The following PDE4B variants were observed in gnomAD, a reference collection of about 807,000 sequenced individuals.
PDE4B encodes 3',5'-cyclic-AMP phosphodiesterase 4B.
In PDE4B, 20 loss-of-function variants were observed where a neutral mutation model predicts 82.2. The observed-to-expected ratio is 0.24, with a 90% CI of 0.17 to 0.35. The LOEUF (loss-of-function observed/expected upper bound fraction) is 0.35, where lower values mean the gene tolerates loss of function less well. PDE4B is among the 10% of genes least tolerant of loss of function. The pLI, the probability that PDE4B is intolerant of heterozygous loss-of-function variation, is 1.00. For synonymous variants in PDE4B, 320 were observed against 318.9 expected (o/e 1.00, Z -0.04); for missense variants, 655 against 907.2 (o/e 0.72, Z 3.57).
chr1:66,157,862 T>C (rs552222165), intron 3 of PDE4B, among the ~76,000 whole-genome samples: 39 of 152,254 alleles, frequency 2.6e-4, no homozygotes, highest in African/African-American at 9.1e-4. Context: ...TTTTTTTTCA[T>C]GATCAAAGCC....
rs190773448 is a variant in PDE4B, at chr1:65,949,776, G to A, written c.281+30941G>A. On this transcript the variant is annotated intron_variant, in intron 3 of 16. Transcript: ENST00000341517. ...TTGATACCTTTGTATAACTTCAAAC[G>A]TGTGTGTGTGTGTGTAGCTCTGTCT... Among the ~76,000 whole-genome samples, 853 of 144,772 alleles carry A rather than the reference G, an allele frequency of 5.9e-3. 10 individuals carry two copies. Among genetic ancestry groups the A allele is most frequent in the African/African-American group, 0.019 (766 of 40,722 alleles). 95.0% of individuals were successfully genotyped at this position (144,772 alleles called of 152,430 possible). A position where few individuals can be genotyped will look rare whatever the true frequency, so the allele number is the denominator to read the frequency against.
intron 1 of PDE4B, among the ~76,000 whole-genome samples, chr1:65,821,372 T>TA (rs1557763891): frequency 6.6e-6 from 1 of 152,244 alleles, no homozygotes; most frequent in Non-Finnish European, 1.5e-5. Flanking sequence ...TGTTATGATT[T>TA]ATTCAATATT....
At chr1:66,346,303 C>T (rs796114082) in intron 8 of PDE4B, among the ~76,000 whole-genome samples, 3 of 152,104 alleles carry the variant, frequency 2.0e-5, no homozygotes, top group East Asian at 1.9e-4. Flanking sequence ...TGCAGTTATC[C>T]TCATGTCAGG....
At chr1:66,167,984 T>C (rs1257536729) in intron 3 of PDE4B, among the ~76,000 whole-genome samples, 1 of 152,160 alleles carries the variant, frequency 6.6e-6, no homozygotes, top group Non-Finnish European at 1.5e-5. Context: ...ATTATATTAC[T>C]CTCCAAACAA....
At chr1:66,199,359 C>T (rs1648655386) in intron 3 of PDE4B, among the ~76,000 whole-genome samples, 1 of 152,048 alleles carries the variant, frequency 6.6e-6, no homozygotes, top group Non-Finnish European at 1.5e-5. Context: ...CTCTGATGGC[C>T]AGTGATGATG....
chr1:66,361,845 G>A (rs766323426), intron 10 of PDE4B, 52 bp downstream of exon 10: 24 of 1,409,556 alleles, frequency 1.7e-5, no homozygotes, highest in South Asian at 1.0e-4. Context: ...TACAGCAGAC[G>A]GATGACCGTA....
intron 3 of PDE4B, among the ~76,000 whole-genome samples, chr1:66,202,163 G>C (rs1296205559): frequency 6.6e-6 from 1 of 152,020 alleles, no homozygotes; most frequent in East Asian, 1.9e-4. Context: ...AGTTTTGAGT[G>C]AGTTTCTTAA....
intron 3 of PDE4B, among the ~76,000 whole-genome samples, chr1:66,116,439 A>G (rs1379401744): frequency 1.3e-5 from 2 of 152,122 alleles, no homozygotes; most frequent in Non-Finnish European, 2.9e-5. Flanking sequence ...CACCACACAC[A>G]TCCTGGAAGG....
chr1:65,928,384 C>T (rs867974638), intron 3 of PDE4B, among the ~76,000 whole-genome samples: 16 of 152,228 alleles, frequency 1.1e-4, no homozygotes, highest in South Asian at 2.1e-4. Context: ...CTAGGAACAC[C>T]GTGATTAATT....
intron 3 of PDE4B, among the ~76,000 whole-genome samples, chr1:66,058,545 A>G (rs558566801): frequency 2.4e-4 from 36 of 152,298 alleles, no homozygotes; most frequent in South Asian, 1.2e-3. Flanking sequence ...AGGCATTTCC[A>G]TACATCCTCT....
At chr1:65,859,689 A>G (rs1304304826) in intron 1 of PDE4B, among the ~76,000 whole-genome samples, 1 of 152,220 alleles carries the variant, frequency 6.6e-6, no homozygotes, top group Non-Finnish European at 1.5e-5. Context: ...GATTAGACCA[A>G]TGGTAACTGA....
At chr1:65,950,809 A>G (rs1195748414) in intron 3 of PDE4B, among the ~76,000 whole-genome samples, 1 of 151,998 alleles carries the variant, frequency 6.6e-6, no homozygotes, top group Non-Finnish European at 1.5e-5. Flanking sequence ...GTCACAGCAA[A>G]TGGGAGATGG....
intron 1 of PDE4B, among the ~76,000 whole-genome samples, chr1:65,798,679 C>T (rs1645660915): frequency 6.6e-6 from 1 of 152,232 alleles, no homozygotes; most frequent in South Asian, 2.1e-4. Flanking sequence ...AGTTTAAATC[C>T]TCAACCACAT....
intron 3 of PDE4B, among the ~76,000 whole-genome samples, chr1:66,089,473 G>T (rs879545602): frequency 6.6e-6 from 1 of 152,040 alleles, no homozygotes; most frequent in African/African-American, 2.4e-5. Flanking sequence ...ACAGGACTGA[G>T]TGGTCATGCT....
chr1:65,944,121 G>A (rs1648581960), intron 3 of PDE4B, among the ~76,000 whole-genome samples: 1 of 151,930 alleles, frequency 6.6e-6, no homozygotes, highest in Non-Finnish European at 1.5e-5. Context: ...GTTAGCTATG[G>A]GTTTGTCATA....
At chr1:66,001,334 A>G (rs1049246702) in intron 3 of PDE4B, among the ~76,000 whole-genome samples, 1 of 152,170 alleles carries the variant, frequency 6.6e-6, no homozygotes, top group Admixed American at 6.6e-5. Flanking sequence ...ATAAAATCAT[A>G]TATATGTTTT....
chr1:65,879,082 C>T (rs377386381), intron 1 of PDE4B, among the ~76,000 whole-genome samples: 18 of 152,234 alleles, frequency 1.2e-4, no homozygotes, highest in African/African-American at 4.1e-4. Flanking sequence ...AAAGGTCACA[C>T]CCTGGTTTCT....
At chr1:65,992,567 G>T in intron 3 of PDE4B, 1 of 210,420 alleles carries the variant, frequency 4.8e-6, no homozygotes, top group East Asian at 1.5e-4. Context: ...AAGCCTTTAT[G>T]AATATTTCAT....
At chr1:65,884,385 G>A (rs932930429) in intron 1 of PDE4B, among the ~76,000 whole-genome samples, 2 of 151,992 alleles carry the variant, frequency 1.3e-5, no homozygotes, top group African/African-American at 4.8e-5. Context: ...TTTAGTCCTG[G>A]GAGGGTGTAT....
Sources: gnomAD v4.1 joint callset for allele counts (sites outside exome capture counted in the v4.1 genomes callset) on GRCh38, gnomAD v4.1.1 for gene constraint, MANE v1.5 for transcripts, NCBI Gene and HGNC (gene_info 2026-07-23, HGNC 2026-07-21) for gene names.